Variants in FREM1 observed in about 807,000 individuals in gnomAD.
The protein encoded by FREM1 is FRAS1 related extracellular matrix 1.
Under a neutral mutation model 210.1 loss-of-function variants are expected in FREM1, and 220 were observed. The observed-to-expected ratio is 1.05, with a 90% CI of 0.94 to 1.17. The LOEUF is 1.17. Among genes scored for constraint, FREM1 ranks in the 50% most tolerant of loss-of-function variants. The probability of loss-of-function intolerance (pLI) is 0.00; values close to 1 mark genes in which losing one functional copy is unlikely to be tolerated. For missense variants in FREM1, 3,454 were observed against 2,675.5 expected, an observed-to-expected ratio of 1.29 and a Z score of -6.42; for synonymous variants, 1,189 against 980.2, an observed-to-expected ratio of 1.21 and a Z score of -3.98.
chr9:14,823,470 AT>A, intron 12 of FREM1, 143 bp from the exon 13 acceptor site: 1 of 721,610 alleles, frequency 1.4e-6, no homozygotes, highest in Non-Finnish European at 2.2e-6. Context: ...CAAAAGCTCT[AT>A]TTTTACTTCA....
At chr9:14,835,649 A>G (rs1824429616) in intron 10 of FREM1, among the ~76,000 whole-genome samples, 1 of 152,224 alleles carries the variant, frequency 6.6e-6, no homozygotes, top group South Asian at 2.1e-4. Context: ...ATTAGAGGAT[A>G]CAAACCCATG....
At chr9:14,795,870 T>G (rs974993481) in intron 21 of FREM1, among the ~76,000 whole-genome samples, 2 of 152,186 alleles carry the variant, frequency 1.3e-5, no homozygotes, top group African/African-American at 4.8e-5. Flanking sequence ...CCCTCTCCAG[T>G]GGATGCCCCG....
intron 28 of FREM1, 142 bp downstream of exon 28, chr9:14,759,630 C>T (rs1464922386): frequency 4.6e-6 from 3 of 652,242 alleles, no homozygotes; most frequent in South Asian, 3.8e-5. Context: ...AGGTTTTGTG[C>T]TTAGAATCCT....
intron 3 of FREM1, among the ~76,000 whole-genome samples, chr9:14,861,107 A>G (rs1490093708): frequency 9.2e-6 from 1 of 108,878 alleles, no homozygotes; most frequent in Non-Finnish European, 1.7e-5. Flanking sequence ...AAACATATAT[A>G]CACATATATA....
intron 29 of FREM1, among the ~76,000 whole-genome samples, chr9:14,752,538 G>A (rs1037124482): frequency 6.6e-6 from 1 of 152,190 alleles, no homozygotes; most frequent in Non-Finnish European, 1.5e-5. Context: ...GTCACACACT[G>A]AAAGTGGATT....
intron 25 of FREM1, among the ~76,000 whole-genome samples, chr9:14,775,302 G>C (rs1848353790): frequency 6.6e-6 from 1 of 152,098 alleles, no homozygotes; most frequent in African/African-American, 2.4e-5. Flanking sequence ...AACACTCACG[G>C]TCAGTCATTA....
chr9:14,796,350 C>T (rs1001869054), intron 21 of FREM1, among the ~76,000 whole-genome samples: 2 of 152,134 alleles, frequency 1.3e-5, no homozygotes, highest in African/African-American at 4.8e-5. Context: ...GAACCAGATG[C>T]TTTTTTACTT....
At chr9:14,877,526 G>A (rs1029161338) in intron 1 of FREM1, among the ~76,000 whole-genome samples, 1 of 151,814 alleles carries the variant, frequency 6.6e-6, no homozygotes, top group Non-Finnish European at 1.5e-5. Flanking sequence ...TTGAGTGCCA[G>A]CAGAATCTGT....
chr9:14,859,686 C>T (rs1281997206), intron 3 of FREM1, among the ~76,000 whole-genome samples: 2 of 152,134 alleles, frequency 1.3e-5, no homozygotes, highest in African/African-American at 2.4e-5. Flanking sequence ...CTTTTCCTGC[C>T]ACTTCTTCCT....
Position 14,877,602 on chromosome 9 carries a change from T to C in FREM1, c.-267-8358A>G, listed in dbSNP as rs1400052769. Among the ~76,000 whole-genome samples the C allele has an allele frequency of 5.3e-5, 8 of 152,208 alleles. No homozygotes were observed. In the East Asian group the frequency reaches 1.5e-3, roughly 29 times the overall value. ...TCACTCCTATGATTACATTTTGTTATACAGGAGACTCTCTCGGCAGACTGG... is the reference window on the plus strand; with the variant it reads ...TCACTCCTATGATTACATTTTGTTACACAGGAGACTCTCTCGGCAGACTGG... On this transcript the variant is annotated intron_variant, in intron 1 of 36. Transcript: ENST00000380880.
Position 14,868,860 on chromosome 9 carries a change from CAG to C in FREM1, c.116_117del (p.Ser39CysfsTer7). On this transcript the variant is annotated frameshift_variant, in exon 2 of 37. Coordinates refer to ENST00000380880, the MANE Select transcript of FREM1 (RefSeq NM_001379081.2). LOFTEE classifies it high-confidence loss of function. Reference protein sequence around the residue: ...NRGVRVMKGHSAFLSGDDLKF... With the variant: ...NRGVRVMKGHXAFLSGDDLKF... The stretch of plus-strand genomic sequence containing the variant: ...TTCAGGTCATCTCCTGACAGGAAGG[CAG>C]AGTGGCCCTTCATCACCCTCACCCC... The C allele has an allele frequency of 1.2e-6, 2 of 1,609,550 alleles. No homozygotes were observed. The highest frequency in any genetic ancestry group is 2.7e-5 in the African/African-American group (2 of 74,978).
At chr9:14,812,093 A>T (rs952688951) in intron 16 of FREM1, among the ~76,000 whole-genome samples, 1 of 152,130 alleles carries the variant, frequency 6.6e-6, no homozygotes, top group Non-Finnish European at 1.5e-5. Context: ...TTGCATGCAA[A>T]TGGGTTTTGT....
At chr9:14,909,414 T>A (rs1818346624) in intron 1 of FREM1, among the ~76,000 whole-genome samples, 1 of 152,128 alleles carries the variant, frequency 6.6e-6, no homozygotes, top group Admixed American at 6.5e-5. Flanking sequence ...CTATCTCTCT[T>A]CCCCACAATG....
intron 1 of FREM1, among the ~76,000 whole-genome samples, chr9:14,897,912 C>A (rs1379061133): frequency 1.3e-5 from 2 of 152,188 alleles, no homozygotes; most frequent in African/African-American, 2.4e-5. Context: ...TAATAAGAGT[C>A]TTAATGCTCT....
chr9:14,746,549 C>G, intron 34 of FREM1, 81 bp from the exon 35 acceptor site: 1 of 1,068,324 alleles, frequency 9.4e-7, no homozygotes. Context: ...CCTACGAGTT[C>G]CCTAACTTCA....
chr9:14,806,076 C>A (rs1818288075), intron 18 of FREM1, among the ~76,000 whole-genome samples: 1 of 152,148 alleles, frequency 6.6e-6, no homozygotes. Flanking sequence ...GCCTTTTAAA[C>A]CATTCTTTCT....
intron 24 of FREM1, 25 bp from the exon 25 acceptor site, chr9:14,776,228 T>C (rs1031152362): frequency 6.6e-7 from 1 of 1,508,858 alleles, no homozygotes; most frequent in Non-Finnish European, 8.9e-7. Context: ...CAAGGCAGCC[T>C]TCAGCATGGA....
chr9:14,810,728 A>G (rs964354373), intron 16 of FREM1, among the ~76,000 whole-genome samples: 4 of 152,236 alleles, frequency 2.6e-5, no homozygotes, highest in African/African-American at 9.6e-5. Flanking sequence ...GATAATCTAA[A>G]TGATAAAAGT....
chr9:14,857,701 A>G lies in FREM1; in HGVS notation c.680T>C (p.Leu227Ser), dbSNP rs769955823. The G allele has an allele frequency of 1.2e-6, 2 of 1,613,498 alleles. No individual in the cohort carries two copies. Among genetic ancestry groups the G allele is most frequent in the Non-Finnish European group, 8.5e-7 (1 of 1,179,662 alleles). The change falls in exon 5 of 37, where the codon TTA becomes TCA. Residue 227 changes from leucine (L) to serine (S), a missense_variant. Coordinates refer to ENST00000380880, the MANE Select transcript of FREM1 (RefSeq NM_001379081.2). ...KCPGGSCTPG[L>S]KKIGSLKVSC... ...CACTTTGAGGCTTCCTATTTTCTTT[A>G]ATCCTGGGGTACAGCTCCCACCTGG...
Sources: allele counts gnomAD v4.1 joint callset (sites outside exome capture counted in the v4.1 genomes callset), GRCh38; gene constraint gnomAD v4.1.1; transcripts MANE v1.5; gene names NCBI Gene and HGNC (gene_info 2026-07-23, HGNC 2026-07-21).